Variants in TIMM44 observed in about 807,000 individuals in gnomAD.
The protein encoded by TIMM44 is translocase of inner mitochondrial membrane 44, also known as mitochondrial import inner membrane translocase subunit TIM44.
TIMM44 carries 37 observed loss-of-function variants against 63.8 expected under a neutral mutation model. The observed-to-expected ratio is 0.58, with a 90% CI of 0.45 to 0.76. TIMM44 has a LOEUF of 0.76. Ranked by LOEUF, TIMM44 falls within the 30% of genes least tolerant of loss-of-function variation. The pLI is 0.00. For synonymous variants in TIMM44, 239 were observed against 245.1 expected, an observed-to-expected ratio of 0.98 and a Z score of 0.23; for missense variants, 573 against 603.8, an observed-to-expected ratio of 0.95 and a Z score of 0.54.
chr19:7,937,888 C>T lies in TIMM44; in HGVS notation c.312+139G>A, dbSNP rs756644911. Reference sequence around the variant, plus strand: ...CAAAAATTAGCTGGGCGTGGTGGTGCGCGCCTGTAAGCCCAGCTACTCAGG... The same window carrying T: ...CAAAAATTAGCTGGGCGTGGTGGTGTGCGCCTGTAAGCCCAGCTACTCAGG... On this transcript the variant is annotated intron_variant, in intron 3 of 12. Coordinates refer to ENST00000270538, the MANE Select transcript of TIMM44 (RefSeq NM_006351.4). 70 of 1,000,422 alleles carry T rather than the reference C, an allele frequency of 7.0e-5. No homozygotes were observed. In the Admixed American group the frequency reaches 7.8e-4, roughly 11 times the overall value. The allele number at this position is 1,000,422 out of a possible 1,614,324, so 62.0% of individuals were successfully genotyped here.
Position 7,934,177 on chromosome 19 carries a change from G to A in TIMM44, c.455C>T (p.Ala152Val), listed in dbSNP as rs140335423. The change falls in exon 5 of 13, where the codon GCA (alanine) becomes GTA (valine). Residue 152 changes from alanine to valine, a missense_variant. Coordinates refer to ENST00000270538, the MANE Select transcript of TIMM44 (RefSeq NM_006351.4). The surrounding 1 kb of genome is among the most constrained non-coding windows in gnomAD (Gnocchi z 5.3). ...GGCCGACTGCTTGGCCGTCTTGGCTGCTTCCTCCACGCCCTCCTTGATTTT... is the reference window on the plus strand; with the variant it reads ...GGCCGACTGCTTGGCCGTCTTGGCTACTTCCTCCACGCCCTCCTTGATTTT... Reference protein sequence around the residue: ...GRKIKEGVEEAAKTAKQSAES... With the variant: ...GRKIKEGVEEVAKTAKQSAES... 6.2e-7 allele frequency: 1 copy of A among 1,613,556 alleles called. No homozygotes were observed. The highest frequency in any genetic ancestry group is 1.3e-5 in the African/African-American group (1 of 75,060).
At position 7,939,612 on chromosome 19, in the gene TIMM44, C is replaced by CAA. The variant is rs34322159; in HGVS notation, c.142-1417_142-1416dup. Among the ~76,000 whole-genome samples the CAA allele has an allele frequency of 5.5e-3, 503 of 91,180 alleles. 5 individuals carry two copies. The highest frequency in any genetic ancestry group is 0.02 in the African/African-American group (436 of 21,386). 59.8% of individuals were successfully genotyped at this position (91,180 alleles called of 152,430 possible). On this transcript the variant is annotated intron_variant, in intron 2 of 12. Transcript: ENST00000270538. The stretch of plus-strand genomic sequence containing the variant: ...TGGGTGATGGAATGAGACTCCATCT[C>CAA]AAAAAAAAAAAAAAAAAAGCAGGCT...
intron 4 of TIMM44, 22 bp downstream of exon 4, chr19:7,935,043 C>T (rs1984105212): frequency 1.9e-6 from 3 of 1,606,512 alleles, no homozygotes; most frequent in Middle Eastern, 3.3e-4. Context: ...CCAGCGGCTC[C>T]AGGCGGGCGT....
At chr19:7,932,794 C>A (rs1305444859) in intron 8 of TIMM44, 43 bp from the exon 9 acceptor site, 6 of 1,613,918 alleles carry the variant, frequency 3.7e-6, no homozygotes, top group Non-Finnish European at 5.1e-6. Context: ...AGGCCGGGGA[C>A]CCCGCCCCAC....
At chr19:7,928,441 A>G in intron 10 of TIMM44, 1 of 493,234 alleles carries the variant, frequency 2.0e-6, no homozygotes, top group Non-Finnish European at 3.6e-6. Context: ...ACAAAATCCC[A>G]AATCTACTCC....
chr19:7,935,222 G>GTTT, intron 3 of TIMM44, 77 bp from the exon 4 acceptor site: 1 of 1,277,828 alleles, frequency 7.8e-7, no homozygotes. Flanking sequence ...CTGGAGTACA[G>GTTT]TGGCACGCTC....
chr19:7,940,105 C>T lies in TIMM44; in HGVS notation c.141+997G>A, dbSNP rs140975308. ...GGTGCTCAGGCCCCGTGGAGTCACA[C>T]ACCTGTGGTCCCAGCTACTCAGAAG... On this transcript the variant is annotated intron_variant, in intron 2 of 12. Transcript: ENST00000270538. 4.6e-4 allele frequency among the ~76,000 whole-genome samples: 70 copies of T among 152,048 alleles called. No homozygotes were observed. The East Asian group carries it at 0.012, about 27-fold the overall frequency.
intron 1 of TIMM44, among the ~76,000 whole-genome samples, chr19:7,942,204 G>GGGCGT (rs1984329356): frequency 1.3e-5 from 2 of 152,194 alleles, no homozygotes; most frequent in African/African-American, 4.8e-5. Flanking sequence ...AAAATTAGCC[G>GGGCGT]GGCGTGGTGG....
Position 7,933,849 on chromosome 19 carries a change from C to T in TIMM44, c.683+15G>A, listed in dbSNP as rs774594328. The T allele has an allele frequency of 1.2e-5, 19 of 1,613,778 alleles. No homozygotes were observed. Among genetic ancestry groups the T allele is most frequent in the African/African-American group, 2.7e-5 (2 of 74,928 alleles). Reference sequence around the variant, plus strand: ...CCCAAAATGGGGGCAGCGAGGGCCACGGGCTGGTACCTACTCGTTTGGCTC... The same window carrying T: ...CCCAAAATGGGGGCAGCGAGGGCCATGGGCTGGTACCTACTCGTTTGGCTC... On this transcript the variant is annotated intron_variant, in intron 6 of 12. Transcript: ENST00000270538. This position sits in a 1 kb window ranked among gnomAD's most constrained non-coding sequence, Gnocchi z 4.3.
intron 10 of TIMM44, 97 bp from the exon 11 acceptor site, chr19:7,928,263 T>G: frequency 9.3e-7 from 1 of 1,071,506 alleles, no homozygotes; most frequent in East Asian, 2.6e-5. Context: ...CCAGGTGCCC[T>G]GCCGCCAGCC....
intron 12 of TIMM44, 100 bp from the exon 13 acceptor site, chr19:7,927,406 T>TTCC (rs1307875003): frequency 6.9e-6 from 10 of 1,442,618 alleles, no homozygotes; most frequent in Non-Finnish European, 9.6e-6. Context: ...CACCGGCAAC[T>TTCC]TCCCCAGGGG....
chr19:7,933,952 C>G lies in TIMM44; in HGVS notation c.595G>C (p.Gly199Arg). 1 of 1,614,168 alleles carries G rather than the reference C, an allele frequency of 6.2e-7. No homozygotes were observed. The highest frequency in any genetic ancestry group is 8.5e-7 in the Non-Finnish European group (1 of 1,180,030). ...EIDDSVLGQT[G>R]PYRRPQRLRK... ...AGTCGCTGGGGCCTCCGGTAGGGCCCGGTCTGTCCCAGGACGCTGTCGTCA... is the reference window on the plus strand; with the variant it reads ...AGTCGCTGGGGCCTCCGGTAGGGCCGGGTCTGTCCCAGGACGCTGTCGTCA... Residue 199 changes from glycine to arginine, a missense_variant, in exon 6 of 13, where the codon GGG becomes CGG. Gly to Arg is a moderately radical substitution (Grantham distance 125). Coordinates refer to ENST00000270538, the MANE Select transcript of TIMM44 (RefSeq NM_006351.4). This position sits in a 1 kb window ranked among gnomAD's most constrained non-coding sequence, Gnocchi z 4.3.
Position 7,933,352 on chromosome 19 carries a change from G to T in TIMM44, c.769+133C>A. ...CACCATCATGTGACCGCAAAGAAGT[G>T]ACCGGCCCACTCTGACCCCGATCTC... On this transcript the variant is annotated intron_variant, in intron 7 of 12. Coordinates refer to ENST00000270538, the MANE Select transcript of TIMM44 (RefSeq NM_006351.4). This position sits in a 1 kb window ranked among gnomAD's most constrained non-coding sequence, Gnocchi z 4.3. 2 of 841,292 alleles carry T rather than the reference G, an allele frequency of 2.4e-6. No homozygotes were observed. Among genetic ancestry groups the T allele is most frequent in the South Asian group, 2.7e-5 (2 of 74,848 alleles). 52.1% of individuals were successfully genotyped at this position (841,292 alleles called of 1,614,324 possible). A position where few individuals can be genotyped will look rare whatever the true frequency, so the allele number is the denominator to read the frequency against.
rs1285835232 is a variant in TIMM44, at chr19:7,934,193, C to T, written c.439G>A (p.Glu147Lys). 4 of 1,613,528 alleles carry T rather than the reference C, an allele frequency of 2.5e-6. No homozygotes were observed. Among genetic ancestry groups the T allele is most frequent in the Non-Finnish European group, 2.5e-6 (3 of 1,179,998 alleles). Residue 147 changes from glutamate to lysine, a missense_variant, in exon 5 of 13, where the codon GAG becomes AAG. Coordinates refer to ENST00000270538, the MANE Select transcript of TIMM44 (RefSeq NM_006351.4). The surrounding 1 kb of genome is among the most constrained non-coding windows in gnomAD (Gnocchi z 5.3). ...GTCTTGGCTGCTTCCTCCACGCCCT[C>T]CTTGATTTTCCGGCCGAGATCACTT... ...SKSDLGRKIKEGVEEAAKTAK... is the reference protein window; with the variant it reads ...SKSDLGRKIKKGVEEAAKTAK...
rs1277590257 is a variant in TIMM44 at position 7,943,156 on chromosome 19, C to T, written c.45+451G>A. Among the ~76,000 whole-genome samples, 1 of 152,140 alleles carries T rather than the reference C, an allele frequency of 6.6e-6. No homozygotes were observed. Among genetic ancestry groups the T allele is most frequent in the Non-Finnish European group, 1.5e-5 (1 of 68,046 alleles). Reference sequence around the variant, plus strand: ...GCCACTGCCCTGTGGACCCAAGAGCCTGCTAGGGCGCGAACCACCTCTCGC... The same window carrying T: ...GCCACTGCCCTGTGGACCCAAGAGCTTGCTAGGGCGCGAACCACCTCTCGC... On this transcript the variant is annotated intron_variant, in intron 1 of 12. Transcript: ENST00000270538. This position sits in a 1 kb window ranked among gnomAD's most constrained non-coding sequence, Gnocchi z 4.3.
chr19:7,943,500 A>C lies in TIMM44; in HGVS notation c.45+107T>G. The stretch of plus-strand genomic sequence containing the variant: ...AGATCTAACCCCAAGCTTTCTAAGG[A>C]GCCCAAGCAAGGGTCGCGAAGGCCA... On this transcript the variant is annotated intron_variant, in intron 1 of 12. Transcript: ENST00000270538. This position sits in a 1 kb window ranked among gnomAD's most constrained non-coding sequence, Gnocchi z 4.3. 2 of 1,287,550 alleles carry C rather than the reference A, an allele frequency of 1.6e-6. No homozygotes were observed. The highest frequency in any genetic ancestry group is 2.2e-6 in the Non-Finnish European group (2 of 921,022). The allele number at this position is 1,287,550 out of a possible 1,614,324, so 79.8% of individuals were successfully genotyped here. A position where few individuals can be genotyped will look rare whatever the true frequency, so the allele number is the denominator to read the frequency against.
At chr19:7,927,372 G>C in intron 12 of TIMM44, 66 bp from the exon 13 acceptor site, 1 of 1,585,572 alleles carries the variant, frequency 6.3e-7, no homozygotes, top group Admixed American at 1.7e-5. Context: ...TCTGGGGGGG[G>C]GCCAGGCTCT....
chr19:7,931,114 A>G lies in TIMM44; in HGVS notation c.1038+24T>C, dbSNP rs749197821. On this transcript the variant is annotated intron_variant, in intron 10 of 12. Transcript: ENST00000270538. ...ATTTTTTAGGCCTTAAAAAAAAAAA[A>G]AGAAAAAGAAAGGAAGTACTCACAG... The G allele has an allele frequency of 1.6e-5, 25 of 1,607,548 alleles. No homozygotes were observed. The South Asian group carries it at 2.6e-4, about 17-fold the overall frequency.
At chr19:7,931,561 C>A in intron 9 of TIMM44, 1 of 317,060 alleles carries the variant, frequency 3.2e-6, no homozygotes, top group South Asian at 2.9e-5. Context: ...CCGCAGTGAG[C>A]CCATGTCCTC....
Sources: allele counts gnomAD v4.1 joint callset (sites outside exome capture counted in the v4.1 genomes callset), GRCh38; gene constraint gnomAD v4.1.1; non-coding constraint Gnocchi (gnomAD v3.1); transcripts MANE v1.5; gene names NCBI Gene and HGNC (gene_info 2026-07-23, HGNC 2026-07-21).